ADCY10: variants seen among roughly 807,000 people sequenced by gnomAD.
The protein encoded by ADCY10 is adenylate cyclase type 10.
Under a neutral mutation model 183.3 loss-of-function variants are expected in ADCY10, and 156 were observed. The ratio of observed to expected loss-of-function variants is 0.85; its 90% CI spans 0.75 to 0.97. The LOEUF is 0.97. Ranked by LOEUF, ADCY10 falls within the 50% of genes least tolerant of loss-of-function variation. The probability of loss-of-function intolerance (pLI) is 0.00; values close to 1 mark genes in which losing one functional copy is unlikely to be tolerated. For synonymous variants in ADCY10, 645 were observed against 670.0 expected, an observed-to-expected ratio of 0.96 and a Z score of 0.58; for missense variants, 1,745 against 1,934.3, an observed-to-expected ratio of 0.90 and a Z score of 1.84.
intron 8 of ADCY10, among the ~76,000 whole-genome samples, chr1:167,887,428 A>G (rs1169312553): frequency 6.6e-6 from 1 of 152,224 alleles, no homozygotes; most frequent in Non-Finnish European, 1.5e-5. Context: ...CATCATTCTG[A>G]GCAAACTATC....
chr1:167,898,548 G>A (rs763705437), intron 6 of ADCY10, among the ~76,000 whole-genome samples: 7 of 151,758 alleles, frequency 4.6e-5, no homozygotes, highest in African/African-American at 9.7e-5. Context: ...GCAGTGAGCC[G>A]AGATCACGCC....
intron 14 of ADCY10, among the ~76,000 whole-genome samples, chr1:167,863,768 CG>C (rs1666468730): frequency 1.3e-5 from 2 of 152,214 alleles, no homozygotes; most frequent in South Asian, 4.1e-4. Context: ...GGCAGGCCCC[CG>C]TGGAGGATCA....
chr1:167,909,488 G>A (rs1412139896), intron 1 of ADCY10, among the ~76,000 whole-genome samples: 1 of 152,180 alleles, frequency 6.6e-6, no homozygotes, highest in Admixed American at 6.5e-5. Context: ...ATGCGGTCCA[G>A]GATGGCTTTG....
chr1:167,891,671 A>C (rs906260287), intron 8 of ADCY10, among the ~76,000 whole-genome samples: 1 of 150,626 alleles, frequency 6.6e-6, no homozygotes, highest in African/African-American at 2.5e-5. Context: ...AAAAAAAAAA[A>C]GAAAGAAAGG....
In ADCY10 at chr1:167,880,547, A is replaced by T; in HGVS notation, c.1083T>A (p.His361Gln). 6.2e-7 allele frequency: 1 copy of T among 1,614,214 alleles called. No individual in the cohort carries two copies. The highest frequency in any genetic ancestry group is 1.3e-5 in the African/African-American group (1 of 75,060). The part of the protein sequence containing the change: ...PGEKVPDELT[H>Q]ALECAMDIFD... ...ATATATCCATAGCACATTCCAGAGC[A>T]TGAGTGAGCTCGTCAGGTACCTTTT... The change falls in exon 10 of 33, where the codon CAT (histidine) becomes CAA (glutamine). Residue 361 changes from histidine (H) to glutamine (Q), a missense_variant. His to Gln is a conservative substitution (Grantham distance 24). Coordinates refer to ENST00000367851, the MANE Select transcript of ADCY10 (RefSeq NM_018417.6).
intron 21 of ADCY10, among the ~76,000 whole-genome samples, chr1:167,844,628 T>C (rs1664872381): frequency 1.3e-5 from 2 of 152,092 alleles, no homozygotes; most frequent in African/African-American, 2.4e-5. Flanking sequence ...AAAAAATCTA[T>C]ACAATGAAAA....
intron 21 of ADCY10, among the ~76,000 whole-genome samples, chr1:167,837,857 C>G (rs895807825): frequency 6.6e-6 from 1 of 152,150 alleles, no homozygotes; most frequent in African/African-American, 2.4e-5. Flanking sequence ...TGAAATACCC[C>G]AAAAGGTTAA....
At chr1:167,842,475 G>A (rs1316101003) in intron 21 of ADCY10, among the ~76,000 whole-genome samples, 1 of 151,810 alleles carries the variant, frequency 6.6e-6, no homozygotes, top group East Asian at 1.9e-4. Flanking sequence ...TTATGTCCTT[G>A]ACCAGTATTG....
intron 7 of ADCY10, among the ~76,000 whole-genome samples, chr1:167,894,960 G>A (rs547025297): frequency 1.3e-5 from 2 of 152,184 alleles, no homozygotes; most frequent in East Asian, 1.9e-4. Context: ...CAAGGCAGGC[G>A]GATCATGAGG....
chr1:167,824,600 G>A (rs1663140661), intron 27 of ADCY10, 28 bp from the exon 28 acceptor site: 2 of 1,613,758 alleles, frequency 1.2e-6, no homozygotes, highest in African/African-American at 1.3e-5. Context: ...CCAGTATATT[G>A]TGGGGCATTC....
intron 21 of ADCY10, among the ~76,000 whole-genome samples, chr1:167,842,862 A>G (rs1558174089): frequency 6.6e-6 from 1 of 152,194 alleles, no homozygotes; most frequent in African/African-American, 2.4e-5. Context: ...ATGTTAATAT[A>G]CCATTTAGTA....
Position 167,845,747 on chromosome 1 carries a change from C to A in ADCY10, c.2823G>T (p.Trp941Cys). Residue 941 changes from tryptophan (W) to cysteine (C), a missense_variant, in exon 21 of 33, where the codon TGG (tryptophan) becomes TGT (cysteine). Physicochemically the swap from Trp to Cys is radical, Grantham distance 215 (BLOSUM62 -2). Transcript: ENST00000367851. ...PMMQKTAYEL[W>C]LKDQRKAMHL... is the part of the protein sequence containing the mutation. ...GCATGGCTTTTCTCTGGTCCTTGAGCCACAGCTCGTAGGCTGTTTTCTGCA... is the reference window on the plus strand; with the variant it reads ...GCATGGCTTTTCTCTGGTCCTTGAGACACAGCTCGTAGGCTGTTTTCTGCA... 1 of 1,614,240 alleles carries A rather than the reference C, an allele frequency of 6.2e-7. No individual in the cohort carries two copies.
intron 7 of ADCY10, among the ~76,000 whole-genome samples, chr1:167,895,059 G>C (rs559866505): frequency 3.4e-4 from 52 of 151,782 alleles, no homozygotes; most frequent in Non-Finnish European, 6.0e-4. Flanking sequence ...GCACGCCTCT[G>C]TATTCCCAGC....
At chr1:167,844,732 C>G (rs1291481461) in intron 21 of ADCY10, among the ~76,000 whole-genome samples, 4 of 152,144 alleles carry the variant, frequency 2.6e-5, no homozygotes, top group Non-Finnish European at 5.9e-5. Flanking sequence ...TATTTTGCAC[C>G]TGCTATGTAC....
At chr1:167,822,940 G>A in intron 29 of ADCY10, 68 bp downstream of exon 29, 1 of 1,382,270 alleles carries the variant, frequency 7.2e-7, no homozygotes, top group Non-Finnish European at 1.0e-6. Flanking sequence ...CAACCTGAGA[G>A]CTGCCACACC....
intron 1 of ADCY10, among the ~76,000 whole-genome samples, chr1:167,910,429 C>T (rs1670076221): frequency 6.6e-6 from 1 of 152,080 alleles, no homozygotes; most frequent in Non-Finnish European, 1.5e-5. Flanking sequence ...TAGTTGTCTT[C>T]AAATATTTGG....
intron 16 of ADCY10, among the ~76,000 whole-genome samples, chr1:167,858,497 CAAAAAAAAA>C (rs57443879): frequency 1.4e-5 from 1 of 70,318 alleles, no homozygotes; most frequent in East Asian, 3.8e-4. Context: ...GACTCTGTCT[CAAAAAAAAA>C]AAAAAAAAAA....
At chr1:167,883,779 A>G in intron 8 of ADCY10, 151 bp from the exon 9 acceptor site, 2 of 759,350 alleles carry the variant, frequency 2.6e-6, no homozygotes, top group South Asian at 2.9e-5. Context: ...CCTGAAGTGG[A>G]GCAGATGGAA....
At chr1:167,912,181 T>C (rs543349094) in intron 1 of ADCY10, among the ~76,000 whole-genome samples, 3 of 152,302 alleles carry the variant, frequency 2.0e-5, no homozygotes, top group Non-Finnish European at 4.4e-5. Context: ...CATTCTATTG[T>C]AGGAGTTATT....
Sources: gnomAD v4.1 joint callset for allele counts (sites outside exome capture counted in the v4.1 genomes callset) on GRCh38, gnomAD v4.1.1 for gene constraint, MANE v1.5 for transcripts, NCBI Gene and HGNC (gene_info 2026-07-23, HGNC 2026-07-21) for gene names.